DSCAML1: variants seen among roughly 807,000 people sequenced by gnomAD.
The protein encoded by DSCAML1 is DS cell adhesion molecule like 1, also known as cell adhesion molecule DSCAML1.
In DSCAML1, 38 loss-of-function variants were observed where a neutral mutation model predicts 200.5. That is an observed-to-expected ratio of 0.19 (90% CI 0.15 to 0.25). The LOEUF is 0.25. DSCAML1 is among the 10% of genes least tolerant of loss of function. DSCAML1 has a pLI of 1.00. For synonymous variants in DSCAML1, 1,215 were observed against 1,165.0 expected (o/e 1.04, Z -0.87); for missense variants, 2,223 against 2,858.8 (o/e 0.78, Z 5.07).
At chr11:117,477,233 A>G (rs1404228131) in intron 14 of DSCAML1, among the ~76,000 whole-genome samples, 1 of 148,576 alleles carries the variant, frequency 6.7e-6, no homozygotes, top group Non-Finnish European at 1.5e-5. Flanking sequence ...ACACGTGCAC[A>G]CTCTCTCCTT....
At chr11:117,715,299 C>T (rs954698774) in intron 3 of DSCAML1, among the ~76,000 whole-genome samples, 14 of 152,190 alleles carry the variant, frequency 9.2e-5, no homozygotes, top group African/African-American at 3.4e-4. Flanking sequence ...GGTTTCACCT[C>T]TCCTTCAGCT....
chr11:117,674,611 C>G (rs2053174543), intron 3 of DSCAML1, among the ~76,000 whole-genome samples: 1 of 152,140 alleles, frequency 6.6e-6, no homozygotes, highest in Non-Finnish European at 1.5e-5. Flanking sequence ...AGATATCCCG[C>G]TGCAGATTCA....
chr11:117,619,872 A>G (rs1318126502), intron 3 of DSCAML1, among the ~76,000 whole-genome samples: 2 of 152,184 alleles, frequency 1.3e-5, no homozygotes, highest in Non-Finnish European at 2.9e-5. Flanking sequence ...TGCAGGGGCA[A>G]TCATGTGGAC....
At chr11:117,720,939 A>T (rs948105) in intron 3 of DSCAML1, among the ~76,000 whole-genome samples, 143,451 of 152,302 alleles carry the variant, frequency 0.94, 67,750 homozygotes, top group South Asian at 0.99. Context: ...TTTGTCCTCT[A>T]AGAAGTGTCC....
rs920771752 is a variant in DSCAML1, at chr11:117,760,871, A to G, written c.511+15920T>C. Among the ~76,000 whole-genome samples, 3 of 152,210 alleles carry G rather than the reference A, an allele frequency of 2.0e-5. No individual in the cohort carries two copies. In the South Asian group the frequency reaches 6.2e-4, roughly 32 times the overall value. ...TCTATTCCAGCCCCTTCACTTACAG[A>G]TGAGGAAACTGACATCCAGAAAGAG... On this transcript the variant is annotated intron_variant, in intron 3 of 32. Coordinates refer to ENST00000651296, the MANE Select transcript of DSCAML1 (RefSeq NM_020693.4).
intron 11 of DSCAML1, among the ~76,000 whole-genome samples, chr11:117,491,663 C>T (rs2049184543): frequency 6.6e-6 from 1 of 152,140 alleles, no homozygotes; most frequent in Admixed American, 6.5e-5. Context: ...AATCCCAGCT[C>T]CTCGGGAGGC....
intron 3 of DSCAML1, among the ~76,000 whole-genome samples, chr11:117,572,971 C>T (rs530617792): frequency 1.1e-4 from 17 of 152,222 alleles, no homozygotes; most frequent in South Asian, 8.3e-4. Flanking sequence ...TCATAATGGC[C>T]CTAATGGTGA....
At chr11:117,624,069 C>T (rs970799234) in intron 3 of DSCAML1, among the ~76,000 whole-genome samples, 1 of 152,160 alleles carries the variant, frequency 6.6e-6, no homozygotes, top group Non-Finnish European at 1.5e-5. Flanking sequence ...GCAGGAGGAG[C>T]AGTGAAAAAA....
intron 4 of DSCAML1, among the ~76,000 whole-genome samples, chr11:117,525,554 G>A (rs12800264): frequency 0.24 from 35,616 of 151,548 alleles, 4,387 homozygotes; most frequent in East Asian, 0.35. Context: ...CCACCTCCCA[G>A]GTTCAAGCAA....
At chr11:117,739,761 AC>A (rs2054389664) in intron 3 of DSCAML1, among the ~76,000 whole-genome samples, 1 of 152,110 alleles carries the variant, frequency 6.6e-6, no homozygotes, top group Admixed American at 6.5e-5. Context: ...TGAGTTGATC[AC>A]CCCAACACCC....
intron 18 of DSCAML1, among the ~76,000 whole-genome samples, chr11:117,461,015 C>T (rs746287394): frequency 1.3e-5 from 2 of 152,108 alleles, no homozygotes; most frequent in African/African-American, 2.4e-5. Context: ...TTGAGTGTAC[C>T]GACTATTCCC....
At position 117,518,563 on chromosome 11, in the gene DSCAML1, G is replaced by A. The variant is rs146015983; in HGVS notation, c.1413C>T (p.Asn471=). 6.6e-5 allele frequency: 107 copies of A among 1,614,050 alleles called. No homozygotes were observed. In the South Asian group the frequency reaches 9.7e-4, roughly 15 times the overall value. The change falls in exon 7 of 33, where the codon AAC becomes AAT. Residue 471 remains asparagine (N), a synonymous_variant. Coordinates refer to ENST00000651296, the MANE Select transcript of DSCAML1 (RefSeq NM_020693.4). This position sits in a 1 kb window ranked among gnomAD's most constrained non-coding sequence, Gnocchi z 6.3. ...CGTCGCGGATCTGGGGGCCTGTGAC[G>A]TTCATGTGGCTGATGGTGGTGCCGT... ...MSDGTTISHM[N]VTGPQIRDGG... is the part of the protein sequence containing the mutation.
intron 12 of DSCAML1, 56 bp from the exon 13 acceptor site, chr11:117,481,326 G>T: frequency 6.4e-7 from 1 of 1,565,912 alleles, no homozygotes; most frequent in Non-Finnish European, 8.8e-7. Flanking sequence ...GTCTTTTAGA[G>T]CTGGTCAGCT....
At chr11:117,618,186 G>A (rs959621348) in intron 3 of DSCAML1, among the ~76,000 whole-genome samples, 9 of 152,138 alleles carry the variant, frequency 5.9e-5, no homozygotes, top group Admixed American at 1.3e-4. Context: ...ATGCAGGGTT[G>A]GAAAGGGCCT....
chr11:117,487,334 CAG>C (rs761745575), intron 11 of DSCAML1, among the ~76,000 whole-genome samples: 14 of 152,092 alleles, frequency 9.2e-5, no homozygotes, highest in South Asian at 8.3e-4. Context: ...GAACATGTGA[CAG>C]AGAGGGGATT....
In DSCAML1 at chr11:117,742,964, C is replaced by T. The variant is rs74425094; in HGVS notation, c.511+33827G>A. 4.1e-3 allele frequency among the ~76,000 whole-genome samples: 629 copies of T among 152,044 alleles called. 5 individuals are homozygous for T. Among genetic ancestry groups the T allele is most frequent in the African/African-American group, 0.015 (609 of 41,446 alleles). Reference sequence around the variant, plus strand: ...GGCCTCTCCCTGTCTCCCATGTGTCCCTTCTGGGAGTATAGCTATGGAGAT... The same window carrying T: ...GGCCTCTCCCTGTCTCCCATGTGTCTCTTCTGGGAGTATAGCTATGGAGAT... On this transcript the variant is annotated intron_variant, in intron 3 of 32. Transcript: ENST00000651296.
intron 3 of DSCAML1, among the ~76,000 whole-genome samples, chr11:117,677,956 G>A (rs920007587): frequency 7.2e-5 from 11 of 152,170 alleles, no homozygotes; most frequent in South Asian, 4.1e-4. Flanking sequence ...ACTGCCTGCC[G>A]AAGAAAGAGG....
At chr11:117,775,912 G>C (rs1245253837) in intron 3 of DSCAML1, among the ~76,000 whole-genome samples, 2 of 152,170 alleles carry the variant, frequency 1.3e-5, no homozygotes, top group Non-Finnish European at 1.5e-5. Flanking sequence ...CCTTAATGCT[G>C]AAAGGGCACT....
chr11:117,766,547 C>A (rs2054900827), intron 3 of DSCAML1, among the ~76,000 whole-genome samples: 1 of 152,174 alleles, frequency 6.6e-6, no homozygotes, highest in Non-Finnish European at 1.5e-5. Context: ...GTAGGATAAC[C>A]TTCTATAAAG....
Sources: allele counts gnomAD v4.1 joint callset (sites outside exome capture counted in the v4.1 genomes callset), GRCh38; gene constraint gnomAD v4.1.1; non-coding constraint Gnocchi (gnomAD v3.1); transcripts MANE v1.5; gene names NCBI Gene and HGNC (gene_info 2026-07-23, HGNC 2026-07-21).